TTLL7: variants seen among roughly 807,000 people sequenced by gnomAD.
TTLL7 encodes the protein tubulin tyrosine ligase like 7, also known as tubulin polyglutamylase TTLL7.
In TTLL7, 53 loss-of-function variants were observed where a neutral mutation model predicts 120.2. The observed-to-expected ratio is 0.44, with a 90% CI of 0.35 to 0.55. The LOEUF (loss-of-function observed/expected upper bound fraction) is 0.55, where lower values mean the gene tolerates loss of function less well. Among genes scored for constraint, TTLL7 ranks in the 20% least tolerant of loss-of-function variants. The probability of loss-of-function intolerance (pLI) is 0.00; values close to 1 mark genes in which losing one functional copy is unlikely to be tolerated. For missense variants in TTLL7, 803 were observed against 1,054.7 expected (o/e 0.76, Z 3.31); for synonymous variants, 353 against 351.7 (o/e 1.00, Z -0.04).
intron 1 of TTLL7, among the ~76,000 whole-genome samples, chr1:83,998,714 C>T (rs1223315174): frequency 6.6e-6 from 1 of 152,146 alleles, no homozygotes; most frequent in Non-Finnish European, 1.5e-5. Flanking sequence ...CCGCCCTCTC[C>T]CTCCCCCATT....
chr1:83,916,312 TA>T (rs1417796451), intron 14 of TTLL7, among the ~76,000 whole-genome samples: 3 of 151,926 alleles, frequency 2.0e-5, no homozygotes, highest in African/African-American at 7.3e-5. Context: ...TATGCAGCCA[TA>T]AAAAAGGATG....
At position 83,942,639 on chromosome 1, in the gene TTLL7, C is replaced by T. The variant is rs753808742; in HGVS notation, c.547G>A (p.Asp183Asn). ...IRNGDKLPSQ[D>N]HLIVQEYIEK... is the part of the protein sequence containing the mutation. ...ATGTATTCTTGAACAATCAAATGATCCTGAGATGGAAGTTTGTCACCATTT... is the reference window on the plus strand; with the variant it reads ...ATGTATTCTTGAACAATCAAATGATTCTGAGATGGAAGTTTGTCACCATTT... The change falls in exon 7 of 21, where the codon GAT becomes AAT. Residue 183 changes from aspartate to asparagine, a missense_variant. Asp to Asn is a conservative substitution (Grantham distance 23). Coordinates refer to ENST00000260505, the MANE Select transcript of TTLL7 (RefSeq NM_024686.6). The T allele has an allele frequency of 6.2e-7, 1 of 1,613,526 alleles. No individual in the cohort carries two copies. Among genetic ancestry groups the T allele is most frequent in the Non-Finnish European group, 8.5e-7 (1 of 1,179,742 alleles).
chr1:83,934,793 T>C (rs1647246502), intron 8 of TTLL7, among the ~76,000 whole-genome samples: 1 of 152,178 alleles, frequency 6.6e-6, no homozygotes, highest in Admixed American at 6.5e-5. Context: ...TTGTTAGCTG[T>C]GCAACCTCAG....
At chr1:83,962,516 A>T (rs2100543351) in intron 1 of TTLL7, among the ~76,000 whole-genome samples, 2 of 152,246 alleles carry the variant, frequency 1.3e-5, no homozygotes, top group South Asian at 4.1e-4. Flanking sequence ...ATTACTTAAA[A>T]ATTTAACAAG....
intron 1 of TTLL7, among the ~76,000 whole-genome samples, chr1:83,987,259 A>G (rs1016075498): frequency 2.0e-5 from 3 of 151,486 alleles, no homozygotes; most frequent in African/African-American, 7.3e-5. Context: ...AAAAAAAAGA[A>G]AAAACAAAAA....
chr1:83,956,657 C>G (rs970077986), intron 1 of TTLL7, among the ~76,000 whole-genome samples: 1 of 152,000 alleles, frequency 6.6e-6, no homozygotes, highest in Admixed American at 6.6e-5. Flanking sequence ...CTCGAACTCC[C>G]GACCTCAGGT....
intron 1 of TTLL7, among the ~76,000 whole-genome samples, chr1:83,956,717 A>G (rs1649558753): frequency 6.6e-6 from 1 of 152,206 alleles, no homozygotes; most frequent in Non-Finnish European, 1.5e-5. Flanking sequence ...GGCGTGAGCC[A>G]CTGTGCCCAG....
At chr1:83,919,976 G>A (rs1415439379) in intron 12 of TTLL7, 142 bp from the exon 13 acceptor site, 1 of 587,664 alleles carries the variant, frequency 1.7e-6, no homozygotes, top group South Asian at 4.3e-5. Context: ...ACTGATTAGT[G>A]CAAAATGATA....
chr1:83,884,786 A>G (rs1030737767), intron 19 of TTLL7, among the ~76,000 whole-genome samples: 2 of 150,904 alleles, frequency 1.3e-5, no homozygotes, highest in South Asian at 2.1e-4. Flanking sequence ...TGACGAGTTA[A>G]TGGGTGCAGC....
rs909085169 is a variant in TTLL7 at position 83,865,798 on chromosome 1, A to G, written c.*4164T>C. The G allele has an allele frequency of 2.0e-5, 3 of 152,018 alleles. No individual in the cohort carries two copies. Among genetic ancestry groups the G allele is most frequent in the Non-Finnish European group, 1.5e-5 (1 of 67,864 alleles). 9.4% of individuals were successfully genotyped at this position (152,018 alleles called of 1,614,324 possible). ...CCACCATAAAATGCAAGGAAAACCA[A>G]TGTTTAAAAGGCAGAATTTCTCTTT... On this transcript the variant is annotated 3_prime_UTR_variant, in exon 21 of 21. Transcript: ENST00000260505.
At chr1:83,964,946 T>A (rs981550492) in intron 1 of TTLL7, among the ~76,000 whole-genome samples, 1 of 152,140 alleles carries the variant, frequency 6.6e-6, no homozygotes, top group Admixed American at 6.6e-5. Context: ...ATTATCCATA[T>A]ATGCAAGTCT....
intron 9 of TTLL7, among the ~76,000 whole-genome samples, chr1:83,932,768 T>C (rs1242857563): frequency 6.6e-6 from 1 of 152,184 alleles, no homozygotes; most frequent in Non-Finnish European, 1.5e-5. Context: ...AGTGGTTGAC[T>C]ACATCTTCTA....
At chr1:83,954,816 C>G (rs1385155021) in intron 1 of TTLL7, among the ~76,000 whole-genome samples, 2 of 150,122 alleles carry the variant, frequency 1.3e-5, no homozygotes, top group Non-Finnish European at 3.0e-5. Flanking sequence ...TTTAAAAAGA[C>G]CAAATAGGTA....
At position 83,906,433 on chromosome 1, in the gene TTLL7, C is replaced by A; in HGVS notation, c.2023G>T (p.Glu675Ter). 1 of 1,611,984 alleles carries A rather than the reference C, an allele frequency of 6.2e-7. No individual in the cohort carries two copies. The highest frequency in any genetic ancestry group is 1.1e-5 in the South Asian group (1 of 90,954). The change falls in exon 17 of 21, where the codon GAA becomes TAA. Residue 675 changes from glutamate to a stop codon, truncating the protein, a stop_gained. Coordinates refer to ENST00000260505, the MANE Select transcript of TTLL7 (RefSeq NM_024686.6). LOFTEE classifies it high-confidence loss of function. ...TGACTTGTTAGATCATCTTCTTGTTCTTTTGTTTTCAGTTGCCGCAAAGAC... is the reference window on the plus strand; with the variant it reads ...TGACTTGTTAGATCATCTTCTTGTTATTTTGTTTTCAGTTGCCGCAAAGAC... The part of the protein sequence containing the change: ...SESLRQLKTK[E>*]QEDDLTSQTL...
chr1:83,974,323 CG>C (rs1007693456), intron 1 of TTLL7, among the ~76,000 whole-genome samples: 20 of 151,826 alleles, frequency 1.3e-4, no homozygotes, highest in Admixed American at 1.1e-3. Context: ...CCAAAGACTA[CG>C]ACAAAATTAG....
At chr1:83,934,026 T>A (rs1647196075) in intron 8 of TTLL7, among the ~76,000 whole-genome samples, 1 of 152,180 alleles carries the variant, frequency 6.6e-6, no homozygotes, top group Non-Finnish European at 1.5e-5. Flanking sequence ...TGTGGAATAA[T>A]CTTTCCCCTA....
In TTLL7 at chr1:83,869,975, T is replaced by C. The variant is rs561752701; in HGVS notation, c.2651A>G (p.Tyr884Cys). The change falls in exon 21 of 21, where the codon TAT becomes TGT. Residue 884 changes from tyrosine (Y) to cysteine (C), a missense_variant. Tyr to Cys is a radical substitution (Grantham distance 194, BLOSUM62 -2). Transcript: ENST00000260505. ...TTCCCTTCTGTTTCACAGATGGCCA[T>C]ATCTGGATGTAAACAAAACATTGGA... Reference protein sequence around the residue: ...TRSNVLFTSRYGHL With the variant: ...TRSNVLFTSRCGHL 47 of 1,594,220 alleles carry C rather than the reference T, an allele frequency of 2.9e-5. No individual in the cohort carries two copies. In the South Asian group the frequency reaches 5.1e-4, roughly 17 times the overall value.
At chr1:83,988,583 T>C (rs1018158934) in intron 1 of TTLL7, among the ~76,000 whole-genome samples, 1 of 152,240 alleles carries the variant, frequency 6.6e-6, no homozygotes, top group African/African-American at 2.4e-5. Flanking sequence ...CCATTCTGAC[T>C]GATGCGAGAT....
chr1:83,927,946 T>C lies in TTLL7; in HGVS notation c.1142+1190A>G, dbSNP rs1284950673. On this transcript the variant is annotated intron_variant, in intron 10 of 20. Coordinates refer to ENST00000260505, the MANE Select transcript of TTLL7 (RefSeq NM_024686.6). ...CTGAAGCATAAGCCTCATTAGCATA[T>C]GCTCTAAATGTTAAGAACTGTGCTA... Among the ~76,000 whole-genome samples the C allele has an allele frequency of 3.9e-5, 6 of 152,160 alleles. No individual in the cohort carries two copies. The East Asian group carries it at 1.2e-3, about 29-fold the overall frequency.
Sources: gnomAD v4.1 joint callset for allele counts (sites outside exome capture counted in the v4.1 genomes callset) on GRCh38, gnomAD v4.1.1 for gene constraint, MANE v1.5 for transcripts, NCBI Gene and HGNC (gene_info 2026-07-23, HGNC 2026-07-21) for gene names.